The following GPHN variants were observed in gnomAD, a reference collection of about 807,000 sequenced individuals.
GPHN encodes gephyrin.
In GPHN, 17 loss-of-function variants were observed where a neutral mutation model predicts 95.5. The observed-to-expected ratio is 0.18, with a 90% CI of 0.12 to 0.27. The LOEUF (loss-of-function observed/expected upper bound fraction) is 0.27, where lower values mean the gene tolerates loss of function less well. Ranked by LOEUF, GPHN falls within the 10% of genes least tolerant of loss-of-function variation. The pLI is 1.00. For missense variants in GPHN, 660 were observed against 978.1 expected, an observed-to-expected ratio of 0.67 and a Z score of 4.34; for synonymous variants, 320 against 322.5, an observed-to-expected ratio of 0.99 and a Z score of 0.08.
chr14:66,722,018 T>A (rs2070793273), intron 2 of GPHN, among the ~76,000 whole-genome samples: 1 of 149,736 alleles, frequency 6.7e-6, no homozygotes, highest in Non-Finnish European at 1.5e-5. Context: ...GTCAAAAATG[T>A]CAGAAGGTTT....
In GPHN at chr14:67,122,333, G is replaced by A. The variant is rs111959962; in HGVS notation, c.1704G>A (p.Gln568=). The A allele has an allele frequency of 6.2e-7, 1 of 1,612,994 alleles. No individual in the cohort carries two copies. ...GTTCAACTCTTCTAGCAACAATTCA[G>A]GAACATGGTTACCCCACGATCAACT... ...SNRSTLLATI[Q]EHGYPTINLG... Residue 568 remains glutamine (Q), a synonymous_variant, in exon 17 of 23, where the codon CAG becomes CAA. Transcript: ENST00000478722.
At chr14:66,523,887 T>A (rs1376221528) in intron 1 of GPHN, among the ~76,000 whole-genome samples, 1 of 152,120 alleles carries the variant, frequency 6.6e-6, no homozygotes, top group Non-Finnish European at 1.5e-5. Flanking sequence ...TTTATCTTAT[T>A]TTAGCAACAT....
chr14:66,760,648 C>A, intron 2 of GPHN: 1 of 411,160 alleles, frequency 2.4e-6, no homozygotes, highest in Non-Finnish European at 4.6e-6. Context: ...GTTATAAAAA[C>A]GTTAAAAAGA....
At chr14:66,821,540 C>CTG (rs371958220) in intron 3 of GPHN, among the ~76,000 whole-genome samples, 19 of 152,300 alleles carry the variant, frequency 1.2e-4, no homozygotes, top group African/African-American at 4.1e-4. Context: ...CTTTGCATTG[C>CTG]TGTTCTCTAA....
chr14:66,514,180 T>G (rs2058149344), intron 1 of GPHN, among the ~76,000 whole-genome samples: 1 of 151,958 alleles, frequency 6.6e-6, no homozygotes, highest in Admixed American at 6.5e-5. Flanking sequence ...ACTTTAATAT[T>G]AAGATAAGCA....
the GPHN span, among the ~76,000 whole-genome samples, chr14:67,509,616 G>A: frequency 6.6e-6 from 1 of 152,142 alleles, no homozygotes; most frequent in Non-Finnish European, 1.5e-5. Context: ...ACCGCACCTG[G>A]TCAATTCTCC....
At chr14:67,616,143 C>A in the GPHN span, 1 of 250,198 alleles carries the variant, frequency 4.0e-6, no homozygotes. Flanking sequence ...TTTAACCCCC[C>A]TGTACACAAC....
At chr14:67,316,403 A>C in the GPHN span, among the ~76,000 whole-genome samples, 1 of 150,982 alleles carries the variant, frequency 6.6e-6, no homozygotes, top group South Asian at 2.1e-4. Flanking sequence ...GTTTCTTGGA[A>C]TTGAATATGG....
At chr14:67,426,932 C>A in the GPHN span, among the ~76,000 whole-genome samples, 1 of 152,152 alleles carries the variant, frequency 6.6e-6, no homozygotes. Context: ...AGCTCAGGGG[C>A]AGAGGAGTCA....
At chr14:67,011,014 G>T (rs1200105142) in intron 9 of GPHN, among the ~76,000 whole-genome samples, 1 of 152,008 alleles carries the variant, frequency 6.6e-6, no homozygotes, top group African/African-American at 2.4e-5. Context: ...AAAGTGTTTT[G>T]GGGTATTGAA....
At chr14:67,292,519 G>C in the GPHN span, 9 of 1,606,784 alleles carry the variant, frequency 5.6e-6, no homozygotes, top group Non-Finnish European at 7.7e-6. Flanking sequence ...AGAAATAGAA[G>C]ACTTGTTTTC....
At chr14:67,427,517 G>A in the GPHN span, among the ~76,000 whole-genome samples, 3 of 152,144 alleles carry the variant, frequency 2.0e-5, no homozygotes, top group African/African-American at 4.8e-5. Flanking sequence ...ACCCTGCCGC[G>A]AACACACTCA....
chr14:66,776,570 G>T, intron 3 of GPHN, 49 bp downstream of exon 3: 1 of 1,052,992 alleles, frequency 9.5e-7, no homozygotes, highest in Non-Finnish European at 1.5e-6. Flanking sequence ...ATCTTGGTGA[G>T]GGGTGGGGAA....
At chr14:67,117,653 C>T (rs2078769217) in intron 16 of GPHN, among the ~76,000 whole-genome samples, 2 of 152,128 alleles carry the variant, frequency 1.3e-5, no homozygotes, top group Admixed American at 1.3e-4. Flanking sequence ...TATAGGCACA[C>T]AACAATGTGG....
At chr14:66,978,310 T>C (rs2070401887) in intron 9 of GPHN, among the ~76,000 whole-genome samples, 1 of 152,210 alleles carries the variant, frequency 6.6e-6, no homozygotes, top group Non-Finnish European at 1.5e-5. Context: ...CAAGAGATTT[T>C]GCTGTAGAAT....
intron 1 of GPHN, chr14:66,508,968 T>G (rs370577712): frequency 2.2e-5 from 7 of 325,512 alleles, no homozygotes; most frequent in South Asian, 1.9e-4. Flanking sequence ...CCTGGGCGCA[T>G]CCTCCGCTAG....
At chr14:67,119,002 G>C (rs887838052) in intron 16 of GPHN, among the ~76,000 whole-genome samples, 2 of 152,154 alleles carry the variant, frequency 1.3e-5, no homozygotes, top group African/African-American at 4.8e-5. Flanking sequence ...ACTAGGGTTG[G>C]CCATGGGATA....
chr14:67,537,380 A>AAT, the GPHN span, among the ~76,000 whole-genome samples: 1 of 96,626 alleles, frequency 1.0e-5, no homozygotes, highest in Non-Finnish European at 2.1e-5. Flanking sequence ...TAATAATAAT[A>AAT]AAAACTTAAT....
At chr14:66,956,969 T>A (rs1281793653) in intron 8 of GPHN, among the ~76,000 whole-genome samples, 1 of 59,048 alleles carries the variant, frequency 1.7e-5, no homozygotes, top group Non-Finnish European at 3.0e-5. Flanking sequence ...TGTTGTGGGG[T>A]GGGGGGAGGG....
Sources: allele counts gnomAD v4.1 joint callset (sites outside exome capture counted in the v4.1 genomes callset), GRCh38; gene constraint gnomAD v4.1.1; transcripts MANE v1.5; gene names NCBI Gene and HGNC (gene_info 2026-07-23, HGNC 2026-07-21).